The following AREG variants were observed in gnomAD, a reference collection of about 807,000 sequenced individuals.
AREG encodes the protein amphiregulin B.
AREG carries 16 observed loss-of-function variants against 28.0 expected under a neutral mutation model. The observed-to-expected ratio is 0.57, with a 90% CI of 0.39 to 0.87. The LOEUF (loss-of-function observed/expected upper bound fraction) is 0.87, where lower values mean the gene tolerates loss of function less well. AREG is among the 40% of genes least tolerant of loss of function. The pLI, the probability that AREG is intolerant of heterozygous loss-of-function variation, is 0.00. For synonymous variants in AREG, 113 were observed against 113.5 expected, an observed-to-expected ratio of 1.00 and a Z score of 0.02; for missense variants, 287 against 309.1, an observed-to-expected ratio of 0.93 and a Z score of 0.53.
At position 74,446,795 on chromosome 4, in the gene AREG, T is replaced by C; in HGVS notation, c.310+13T>C. ...GATTCAGTCAGAGGTGAGTAGGGGA[T>C]AAAGCAAAAATATGGCCTGTGAGAT... On this transcript the variant is annotated intron_variant, in intron 2 of 5. Transcript: ENST00000395748. 5.6e-6 allele frequency: 9 copies of C among 1,613,918 alleles called. No homozygotes were observed. Among genetic ancestry groups the C allele is most frequent in the Non-Finnish European group, 7.6e-6 (9 of 1,179,852 alleles).
At position 74,445,185 on chromosome 4, in the gene AREG, C is replaced by G. The variant is rs1358998589; in HGVS notation, c.-161C>G. On this transcript the variant is annotated 5_prime_UTR_variant, in exon 1 of 6. Coordinates refer to ENST00000395748, the MANE Select transcript of AREG (RefSeq NM_001657.4). ...GCGCCCCAGAGGTCCCGGGACAGCC[C>G]GAGGCGCCGCGCCCGCCGCCCCGAG... is the stretch of plus-strand genomic sequence containing the variant. 6.8e-7 allele frequency: 1 copy of G among 1,464,802 alleles called. No homozygotes were observed. Among genetic ancestry groups the G allele is most frequent in the Non-Finnish European group, 9.1e-7 (1 of 1,097,218 alleles). The allele number at this position is 1,464,802 out of a possible 1,614,324, so 90.7% of individuals were successfully genotyped here.
chr4:74,450,613 G>A, intron 4 of AREG, 81 bp downstream of exon 4: 1 of 1,529,882 alleles, frequency 6.5e-7, no homozygotes, highest in Non-Finnish European at 8.8e-7. Context: ...ACTCTACTCT[G>A]GTATTTTAGA....
chr4:74,449,932 CTT>C (rs1491367921), intron 3 of AREG, among the ~76,000 whole-genome samples: 6 of 141,612 alleles, frequency 4.2e-5, no homozygotes, highest in East Asian at 2.1e-4. Context: ...CTCTCTCTCT[CTT>C]TCTTTCTATA....
At chr4:74,452,979 G>T (rs2110413265) in intron 5 of AREG, among the ~76,000 whole-genome samples, 1 of 152,298 alleles carries the variant, frequency 6.6e-6, no homozygotes, top group African/African-American at 2.4e-5. Flanking sequence ...GGAACCAATG[G>T]AGTATGAGAA....
intron 4 of AREG, among the ~76,000 whole-genome samples, chr4:74,451,775 A>T (rs1459813728): frequency 3.3e-5 from 5 of 151,850 alleles, no homozygotes; most frequent in African/African-American, 1.2e-4. Context: ...ATATTTAATC[A>T]TTTTTTGGGA....
chr4:74,452,465 C>T (rs1446897103), intron 4 of AREG, 79 bp from the exon 5 acceptor site: 2 of 1,545,380 alleles, frequency 1.3e-6, no homozygotes, highest in Non-Finnish European at 1.8e-6. Context: ...AAGTGGAACC[C>T]CCTCTACTCA....
At position 74,450,507 on chromosome 4, in the gene AREG, A is replaced by G; in HGVS notation, c.640A>G (p.Thr214Ala). The G allele has an allele frequency of 1.9e-6, 3 of 1,613,944 alleles. No individual in the cohort carries two copies. The South Asian group carries it at 3.3e-5, about 18-fold the overall frequency. The change falls in exon 4 of 6, where the codon ACA becomes GCA. Residue 214 changes from threonine (T) to alanine (A), a missense_variant. By Grantham distance (58) the Thr-to-Ala change is moderately conservative. Coordinates refer to ENST00000395748, the MANE Select transcript of AREG (RefSeq NM_001657.4). ...IAAFMSAVILTAVAVITVQLR... is the reference protein window; with the variant it reads ...IAAFMSAVILAAVAVITVQLR... ...TGCCTTTATGTCTGCTGTGATCCTCACAGCTGTTGCTGTTATTACAGTCCA... is the reference window on the plus strand; with the variant it reads ...TGCCTTTATGTCTGCTGTGATCCTCGCAGCTGTTGCTGTTATTACAGTCCA...
At chr4:74,446,908 C>T in intron 2 of AREG, 126 bp downstream of exon 2, 1 of 1,579,382 alleles carries the variant, frequency 6.3e-7, no homozygotes. Context: ...TGGATAGCCC[C>T]TAGGTAAACT....
At position 74,445,422 on chromosome 4, in the gene AREG, C is replaced by G; in HGVS notation, c.61+16C>G. ...CTCGGCTCAGGTGAGGATTCACCGG[C>G]GCTGAACTGCTGGGCTCTCCTCCCA... On this transcript the variant is annotated intron_variant, in intron 1 of 5. Coordinates refer to ENST00000395748, the MANE Select transcript of AREG (RefSeq NM_001657.4). 1 of 1,604,820 alleles carries G rather than the reference C, an allele frequency of 6.2e-7. No homozygotes were observed. The highest frequency in any genetic ancestry group is 8.5e-7 in the Non-Finnish European group (1 of 1,176,456).
At position 74,446,652 on chromosome 4, in the gene AREG, G is replaced by A; in HGVS notation, c.180G>A (p.Gly60=). The A allele has an allele frequency of 6.2e-7, 1 of 1,613,960 alleles. No homozygotes were observed. The highest frequency in any genetic ancestry group is 8.5e-7 in the Non-Finnish European group (1 of 1,179,868). ...CCTCAAGAAGTGAGATGTCTTCAGG[G>A]AGTGAGATTTCCCCTGTGAGTGAAA... The part of the protein sequence containing the change: ...EVTSRSEMSS[G]SEISPVSEMP... The change falls in exon 2 of 6, where the codon GGG becomes GGA. Residue 60 remains glycine, a synonymous_variant. Coordinates refer to ENST00000395748, the MANE Select transcript of AREG (RefSeq NM_001657.4).
chr4:74,448,857 C>A (rs1719334086), intron 2 of AREG, 190 bp from the exon 3 acceptor site: 1 of 786,524 alleles, frequency 1.3e-6, no homozygotes, highest in Non-Finnish European at 1.9e-6. Flanking sequence ...ACACTACTTT[C>A]AGGTAGAAAA....
At chr4:74,448,528 G>T (rs1719328592) in intron 2 of AREG, 1 of 153,874 alleles carries the variant, frequency 6.5e-6, no homozygotes, top group Non-Finnish European at 1.4e-5. Flanking sequence ...GTAACAAAAT[G>T]CACAGCACTA....
At chr4:74,451,692 A>G (rs1041317851) in intron 4 of AREG, among the ~76,000 whole-genome samples, 4 of 152,198 alleles carry the variant, frequency 2.6e-5, no homozygotes, top group Non-Finnish European at 5.9e-5. Flanking sequence ...ATTATTTTAA[A>G]GGATAGAACA....
Position 74,451,459 on chromosome 4 carries a change from A to G in AREG, c.665+927A>G, listed in dbSNP as rs956131688. ...CTTGTGTACATGATCTACCACGACT[A>G]CCATTCAGGAAACAAGGGGTTATCT... On this transcript the variant is annotated intron_variant, in intron 4 of 5. Coordinates refer to ENST00000395748, the MANE Select transcript of AREG (RefSeq NM_001657.4). Among the ~76,000 whole-genome samples, 29 of 152,360 alleles carry G rather than the reference A, an allele frequency of 1.9e-4. 1 individual carries two copies. The highest frequency in any genetic ancestry group is 2.6e-4 in the Admixed American group (4 of 15,308).
chr4:74,452,484 C>G (rs2110413044), intron 4 of AREG, 60 bp from the exon 5 acceptor site: 3 of 1,603,440 alleles, frequency 1.9e-6, no homozygotes, highest in Non-Finnish European at 8.5e-7. Flanking sequence ...CATAAAAACC[C>G]CAATCAAACA....
chr4:74,448,242 T>C (rs1404844075), intron 2 of AREG, among the ~76,000 whole-genome samples: 2 of 152,222 alleles, frequency 1.3e-5, no homozygotes, highest in African/African-American at 2.4e-5. Flanking sequence ...CAGAGAAAAG[T>C]TTCAATATAA....
chr4:74,449,259 C>T lies in AREG; in HGVS notation c.512+11C>T, dbSNP rs1012091115. 3.1e-6 allele frequency: 5 copies of T among 1,613,234 alleles called. No homozygotes were observed. In the Admixed American group the frequency reaches 6.7e-5, roughly 22 times the overall value. ...AGCAGTAACATGCAAGTAAGTTTTC[C>T]TAAAGCATATAGAATTTTGTATTTC... On this transcript the variant is annotated intron_variant, in intron 3 of 5. Transcript: ENST00000395748.
Position 74,454,764 on chromosome 4 carries a change from C to A in AREG, c.*24C>A. 1 of 694,458 alleles carries A rather than the reference C, an allele frequency of 1.4e-6. No homozygotes were observed. The highest frequency in any genetic ancestry group is 2.6e-6 in the Non-Finnish European group (1 of 380,806). The allele number at this position is 694,458 out of a possible 1,614,324, so 43.0% of individuals were successfully genotyped here. A position where few individuals can be genotyped will look rare whatever the true frequency, so the allele number is the denominator to read the frequency against. On this transcript the variant is annotated 3_prime_UTR_variant, in exon 6 of 6. Coordinates refer to ENST00000395748, the MANE Select transcript of AREG (RefSeq NM_001657.4). ...TTTATTTTATTTTCTCACAGGATAT[C>A]ACATTGGAGTCACTGCCAAGTCATA...
intron 4 of AREG, among the ~76,000 whole-genome samples, chr4:74,451,956 C>G (rs1024227697): frequency 2.6e-5 from 4 of 151,974 alleles, no homozygotes; most frequent in Admixed American, 6.6e-5. Flanking sequence ...TCAACTATTA[C>G]AATAAAAGAA....
Sources: allele counts gnomAD v4.1 joint callset (sites outside exome capture counted in the v4.1 genomes callset), GRCh38; gene constraint gnomAD v4.1.1; transcripts MANE v1.5; gene names NCBI Gene and HGNC (gene_info 2026-07-23, HGNC 2026-07-21).